Variants in ZNF724 observed in about 807,000 individuals in gnomAD.
ZNF724 encodes the protein zinc finger protein 724.
Under a neutral mutation model 29.3 loss-of-function variants are expected in ZNF724, and 14 were observed. The ratio of observed to expected loss-of-function variants is 0.48; its 90% CI spans 0.32 to 0.75. The LOEUF is 0.75. Ranked by LOEUF, ZNF724 falls within the 30% of genes least tolerant of loss-of-function variation. The probability of loss-of-function intolerance (pLI) is 0.04; values close to 1 mark genes in which losing one functional copy is unlikely to be tolerated. For synonymous variants in ZNF724, 180 were observed against 193.6 expected, an observed-to-expected ratio of 0.93 and a Z score of 0.58; for missense variants, 557 against 571.2, an observed-to-expected ratio of 0.98 and a Z score of 0.25.
Position 23,231,308 on chromosome 19 carries a change from G to A in ZNF724, c.184C>T (p.Pro62Ser). The change falls in exon 3 of 4, where the codon CCC becomes TCC. Residue 62 changes from proline to serine, a missense_variant. Pro to Ser is a moderately conservative substitution (Grantham distance 74). Around this residue, in one of 3 missense-constraint regions of ZNF724, gnomAD observed 362 missense variants for 295.5 expected, o/e 1.22. Coordinates refer to ENST00000418100, the MANE Select transcript of ZNF724 (RefSeq NM_001355404.2). ...ATCTCATGTCTCTCCATATTCCAGG[G>A]CTCTTTGCCTTGCTCCAGACAGGTG... ...LITCLEQGKE[P>S]WNMERHEMVA... is the part of the protein sequence containing the mutation. 2.2e-6 allele frequency: 3 copies of A among 1,391,638 alleles called. No homozygotes were observed. The highest frequency in any genetic ancestry group is 2.3e-5 in the South Asian group (2 of 85,642). 86.2% of individuals were successfully genotyped at this position (1,391,638 alleles called of 1,614,324 possible). A position where few individuals can be genotyped will look rare whatever the true frequency, so the allele number is the denominator to read the frequency against.
Position 23,222,609 on chromosome 19 carries a change from A to T in ZNF724, c.1636T>A (p.Tyr546Asn). ...CEECGKAFYQ[Y>N]SNLTQHKIIH... ...ATCTTATGTTGAGTAAGGTTTGAGT[A>T]TTGGTAAAAAGCTTTGCCACATTCT... Residue 546 changes from tyrosine (Y) to asparagine (N), a missense_variant, in exon 4 of 4, where the codon TAC (tyrosine) becomes AAC (asparagine). This residue lies in a region of ZNF724 where 170 missense variants were observed against 220.7 expected (regional missense o/e 0.77). Coordinates refer to ENST00000418100, the MANE Select transcript of ZNF724 (RefSeq NM_001355404.2). 7.3e-7 allele frequency: 1 copy of T among 1,370,216 alleles called. No individual in the cohort carries two copies. Among genetic ancestry groups the T allele is most frequent in the Non-Finnish European group, 1.0e-6 (1 of 959,708 alleles). 84.9% of individuals were successfully genotyped at this position (1,370,216 alleles called of 1,614,324 possible). A position where few individuals can be genotyped will look rare whatever the true frequency, so the allele number is the denominator to read the frequency against.
intron 1 of ZNF724, among the ~76,000 whole-genome samples, chr19:23,246,555 TGA>T (rs1279897723): frequency 6.6e-6 from 1 of 151,634 alleles, no homozygotes; most frequent in Non-Finnish European, 1.5e-5. Context: ...CGCTGGAGGC[TGA>T]GAGAGGAGAA....
chr19:23,238,355 C>T (rs1416406920), intron 1 of ZNF724, among the ~76,000 whole-genome samples: 4 of 73,876 alleles, frequency 5.4e-5, no homozygotes, highest in Non-Finnish European at 6.3e-5. Context: ...CGAGACTCCA[C>T]CTCAAAAAAC....
intron 1 of ZNF724, 45 bp from the exon 2 acceptor site, chr19:23,232,338 A>C: frequency 1.1e-6 from 1 of 947,518 alleles, no homozygotes; most frequent in Non-Finnish European, 1.7e-6. Flanking sequence ...CCATGGGCAA[A>C]ATTTTTAATT....
chr19:23,223,961 AAAG>A lies in ZNF724; in HGVS notation c.281_283del (p.Ser94del). ...ATATTTTCTCAGTATTATTCTTTGC[AAAG>A]AAGCTTTTATGCTCTGCTCTGGCCG... On this transcript the variant is annotated inframe_deletion, in exon 4 of 4. Transcript: ENST00000418100. 1.4e-6 allele frequency: 1 copy of A among 738,582 alleles called. No homozygotes were observed. The highest frequency in any genetic ancestry group is 1.5e-5 in the South Asian group (1 of 68,444). 45.8% of individuals were successfully genotyped at this position (738,582 alleles called of 1,614,324 possible).
intron 1 of ZNF724, among the ~76,000 whole-genome samples, chr19:23,234,682 C>T (rs1971996800): frequency 6.6e-6 from 1 of 152,132 alleles, no homozygotes; most frequent in Non-Finnish European, 1.5e-5. Context: ...GAACTCCTGA[C>T]ATCAGGTGAT....
At chr19:23,238,477 A>G (rs1972060888) in intron 1 of ZNF724, among the ~76,000 whole-genome samples, 1 of 152,244 alleles carries the variant, frequency 6.6e-6, no homozygotes, top group Non-Finnish European at 1.5e-5. Context: ...AGCTGTAAAT[A>G]TGATTTACAT....
intron 1 of ZNF724, among the ~76,000 whole-genome samples, chr19:23,235,296 T>A (rs1196594786): frequency 6.6e-6 from 1 of 152,132 alleles, no homozygotes; most frequent in South Asian, 2.1e-4. Context: ...CTTGGTTTTT[T>A]TAAAAAATGT....
intron 1 of ZNF724, chr19:23,236,929 T>C (rs1434741790): frequency 6.6e-6 from 1 of 152,080 alleles, no homozygotes; most frequent in Non-Finnish European, 1.5e-5. Flanking sequence ...CTTAGCTCAC[T>C]GCAATCTCCA....
intron 3 of ZNF724, among the ~76,000 whole-genome samples, chr19:23,229,278 A>T (rs1971893159): frequency 6.6e-6 from 1 of 152,078 alleles, no homozygotes; most frequent in South Asian, 2.1e-4. Context: ...CCCCGTAACC[A>T]TCTCAAACTC....
At chr19:23,235,739 A>G (rs1434995859) in intron 1 of ZNF724, among the ~76,000 whole-genome samples, 2 of 152,188 alleles carry the variant, frequency 1.3e-5, no homozygotes, top group Non-Finnish European at 2.9e-5. Flanking sequence ...TCTAGAGTAA[A>G]GTTTGGCTGG....
chr19:23,231,339 G>A lies in ZNF724; in HGVS notation c.153C>T (p.Asp51=), dbSNP rs768258920. The A allele has an allele frequency of 7.2e-7, 1 of 1,386,574 alleles. No individual in the cohort carries two copies. The highest frequency in any genetic ancestry group is 1.2e-5 in the South Asian group (1 of 85,308). The allele number at this position is 1,386,574 out of a possible 1,614,324, so 85.9% of individuals were successfully genotyped here. A position where few individuals can be genotyped will look rare whatever the true frequency, so the allele number is the denominator to read the frequency against. ...VFLGIAVSKP[D]LITCLEQGKE... ...TGCCTTGCTCCAGACAGGTGATCAG[G>A]TCTGGCTTAGAGACAGCAATACCTG... The change falls in exon 3 of 4, where the codon GAC becomes GAT. Residue 51 remains aspartate, a synonymous_variant. Coordinates refer to ENST00000418100, the MANE Select transcript of ZNF724 (RefSeq NM_001355404.2).
intron 1 of ZNF724, among the ~76,000 whole-genome samples, chr19:23,239,742 CAG>C (rs1421366826): frequency 2.6e-5 from 4 of 152,004 alleles, no homozygotes; most frequent in African/African-American, 9.7e-5. Flanking sequence ...ACCCAGGAGA[CAG>C]AGGTTGCAGC....
At chr19:23,226,078 G>C (rs1971821399) in intron 3 of ZNF724, among the ~76,000 whole-genome samples, 1 of 129,300 alleles carries the variant, frequency 7.7e-6, no homozygotes, top group Admixed American at 8.9e-5. Flanking sequence ...TTGAGATGGA[G>C]TCTCGCTCTG....
intron 2 of ZNF724, 138 bp from the exon 3 acceptor site, chr19:23,231,499 CTA>C (rs935702800): frequency 1.2e-5 from 8 of 682,772 alleles, no homozygotes; most frequent in Non-Finnish European, 1.7e-5. Context: ...TATTTAGACA[CTA>C]TTTTAAATTT....
Position 23,222,433 on chromosome 19 carries a change from GT to G in ZNF724, c.1811del (p.Asn604ThrfsTer11). 1 of 1,253,434 alleles carries G rather than the reference GT, an allele frequency of 8.0e-7. No individual in the cohort carries two copies. Among genetic ancestry groups the G allele is most frequent in the Non-Finnish European group, 1.2e-6 (1 of 854,060 alleles). 77.6% of individuals were successfully genotyped at this position (1,253,434 alleles called of 1,614,324 possible). A position where few individuals can be genotyped will look rare whatever the true frequency, so the allele number is the denominator to read the frequency against. ...CATGAATTTTCTTGTGTGTAGTAAG[GT>G]TTGAGCATTGGTTAAAAGCTTTGCC... is the stretch of plus-strand genomic sequence containing the variant. ...ECGKAFNQCSNLTTHKKIHAV... is the reference protein window; with the variant it reads ...ECGKAFNQCSXLTTHKKIHAV... On this transcript the variant is annotated frameshift_variant, in exon 4 of 4. Coordinates refer to ENST00000418100, the MANE Select transcript of ZNF724 (RefSeq NM_001355404.2). LOFTEE classifies it high-confidence loss of function.
intron 3 of ZNF724, among the ~76,000 whole-genome samples, chr19:23,230,211 T>C (rs1223710160): frequency 6.6e-6 from 1 of 151,814 alleles, no homozygotes; most frequent in Non-Finnish European, 1.5e-5. Context: ...AAATGATGTA[T>C]CAATGGAGGA....
intron 1 of ZNF724, among the ~76,000 whole-genome samples, chr19:23,239,530 A>G (rs1039298168): frequency 5.9e-5 from 9 of 152,252 alleles, no homozygotes; most frequent in African/African-American, 2.2e-4. Context: ...AATAAGAAGA[A>G]CAAAGATACA....
chr19:23,236,613 TTAGA>T (rs746833707), intron 1 of ZNF724: 1 of 152,276 alleles, frequency 6.6e-6, no homozygotes, highest in Non-Finnish European at 1.5e-5. Context: ...AACACTCAGA[TTAGA>T]TATAAGATTG....
Sources: allele counts gnomAD v4.1 joint callset (sites outside exome capture counted in the v4.1 genomes callset), GRCh38; gene constraint gnomAD v4.1.1; regional missense constraint gnomAD v4.1.1; transcripts MANE v1.5; gene names NCBI Gene and HGNC (gene_info 2026-07-23, HGNC 2026-07-21).